OTUD7B: variants seen among roughly 807,000 people sequenced by gnomAD.
The protein encoded by OTUD7B is OTU domain-containing protein 7B.
Under a neutral mutation model 82.2 loss-of-function variants are expected in OTUD7B, and 34 were observed. That is an observed-to-expected ratio of 0.41 (90% CI 0.31 to 0.55). OTUD7B has a LOEUF of 0.55. OTUD7B is among the 20% of genes least tolerant of loss of function. OTUD7B has a pLI of 0.20. For missense variants in OTUD7B, 944 were observed against 1,062.1 expected (o/e 0.89, Z 1.55); for synonymous variants, 398 against 402.7 (o/e 0.99, Z 0.14).
chr1:149,967,402 T>C lies in OTUD7B; in HGVS notation c.394A>G (p.Ile132Val), dbSNP rs1649590542. The C allele has an allele frequency of 3.7e-6, 6 of 1,614,130 alleles. No individual in the cohort carries two copies. In the East Asian group the frequency reaches 6.7e-5, roughly 18 times the overall value. Reference sequence around the variant, plus strand: ...AGATCTGGAAGCTGGAAGGCACAGATGGGCATTTCCAGGGGGTGCTCATTG... The same window carrying C: ...AGATCTGGAAGCTGGAAGGCACAGACGGGCATTTCCAGGGGGTGCTCATTG... ...GSNEHPLEMP[I>V]CAFQLPDLTV... Residue 132 changes from isoleucine to valine, a missense_variant, in exon 4 of 12, where the codon ATC becomes GTC. By Grantham distance (29) the Ile-to-Val change is conservative. Around this residue, in one of 3 missense-constraint regions of OTUD7B, gnomAD observed 530 missense variants for 625.6 expected, o/e 0.85. Transcript: ENST00000581312.
chr1:149,955,754 A>G (rs1463977562), intron 7 of OTUD7B, among the ~76,000 whole-genome samples: 1 of 151,936 alleles, frequency 6.6e-6, no homozygotes, highest in Non-Finnish European at 1.5e-5. Context: ...TATTTAAGAT[A>G]GCTCTTCCTG....
chr1:150,002,717 G>A (rs1292721681), intron 1 of OTUD7B, among the ~76,000 whole-genome samples: 2 of 152,164 alleles, frequency 1.3e-5, no homozygotes, highest in African/African-American at 4.8e-5. Flanking sequence ...GTGATCCTGA[G>A]TAAACCTCAG....
At chr1:149,966,501 A>C (rs868915762) in intron 4 of OTUD7B, among the ~76,000 whole-genome samples, 3 of 152,216 alleles carry the variant, frequency 2.0e-5, no homozygotes, top group African/African-American at 7.2e-5. Flanking sequence ...GTGACTTTAA[A>C]GGAATGAGCA....
chr1:149,964,198 G>A (rs1384486208), intron 6 of OTUD7B, 24 bp downstream of exon 6: 5 of 1,607,044 alleles, frequency 3.1e-6, no homozygotes, highest in Non-Finnish European at 4.2e-6. Flanking sequence ...AGGAAACAAG[G>A]CGCTCCCACC....
intron 1 of OTUD7B, among the ~76,000 whole-genome samples, chr1:150,009,280 G>A (rs782088997): frequency 1.3e-5 from 2 of 152,122 alleles, no homozygotes; most frequent in Non-Finnish European, 2.9e-5. Context: ...ACATAGCATA[G>A]AAACTTTTTT....
At chr1:150,022,754 T>C in the OTUD7B span, among the ~76,000 whole-genome samples, 10 of 152,354 alleles carry the variant, frequency 6.6e-5, no homozygotes, top group East Asian at 1.9e-3. Context: ...CATTTACTTT[T>C]ATTTAACTCT....
intron 2 of OTUD7B, among the ~76,000 whole-genome samples, chr1:149,976,040 T>C (rs1553778473): frequency 2.4e-5 from 2 of 83,646 alleles, no homozygotes; most frequent in African/African-American, 9.1e-5. Flanking sequence ...AAAAAAGAAA[T>C]GCAAATTAAG....
At chr1:150,024,293 C>A in the OTUD7B span, among the ~76,000 whole-genome samples, 1 of 152,106 alleles carries the variant, frequency 6.6e-6, no homozygotes, top group African/African-American at 2.4e-5. Flanking sequence ...ATAATAATGT[C>A]AAGGTAACAG....
the OTUD7B span, among the ~76,000 whole-genome samples, chr1:150,057,752 G>A: frequency 6.6e-6 from 1 of 152,156 alleles, no homozygotes; most frequent in Admixed American, 6.5e-5. Context: ...ATTATATACA[G>A]TGAAACAGCA....
At chr1:150,035,588 ATTG>A in the OTUD7B span, among the ~76,000 whole-genome samples, 1 of 152,240 alleles carries the variant, frequency 6.6e-6, no homozygotes. Flanking sequence ...ATATGTTTCT[ATTG>A]TCTTCCTTAG....
intron 1 of OTUD7B, among the ~76,000 whole-genome samples, chr1:149,986,327 C>T (rs1432683014): frequency 1.3e-5 from 2 of 151,972 alleles, no homozygotes; most frequent in Non-Finnish European, 2.9e-5. Context: ...AACAGTAACT[C>T]ATCTCAAAGA....
intron 1 of OTUD7B, among the ~76,000 whole-genome samples, chr1:149,990,638 TA>T (rs1226278067): frequency 1.3e-5 from 2 of 152,236 alleles, no homozygotes; most frequent in Non-Finnish European, 2.9e-5. Context: ...TTTTTCAAAT[TA>T]AATACTTTTT....
the OTUD7B span, among the ~76,000 whole-genome samples, chr1:150,015,786 G>A: frequency 6.6e-6 from 1 of 152,102 alleles, no homozygotes; most frequent in East Asian, 1.9e-4. Flanking sequence ...TAGAGGGGGC[G>A]GGGGCTGAGT....
intron 10 of OTUD7B, among the ~76,000 whole-genome samples, chr1:149,947,563 G>C (rs1298204327): frequency 6.6e-6 from 1 of 152,124 alleles, no homozygotes; most frequent in Non-Finnish European, 1.5e-5. Flanking sequence ...CTATCCTGTA[G>C]GGTTGTTGTA....
At chr1:150,046,678 T>C in the OTUD7B span, among the ~76,000 whole-genome samples, 1 of 149,522 alleles carries the variant, frequency 6.7e-6, no homozygotes. Context: ...CTCAATCTCC[T>C]AACCTCGTGA....
At chr1:150,042,380 C>T in the OTUD7B span, among the ~76,000 whole-genome samples, 2 of 151,882 alleles carry the variant, frequency 1.3e-5, no homozygotes, top group South Asian at 4.2e-4. Context: ...ACCATGTTGG[C>T]CAGGCTGGTC....
At chr1:150,011,206 T>C (rs1413949526), upstream of OTUD7B, among the ~76,000 whole-genome samples, 3 of 152,234 alleles carry the variant, frequency 2.0e-5, no homozygotes, top group African/African-American at 7.2e-5. Flanking sequence ...AGTGAACATA[T>C]CCTTCTCTGT....
the OTUD7B span, among the ~76,000 whole-genome samples, chr1:150,052,958 A>G: frequency 1.3e-5 from 2 of 152,196 alleles, no homozygotes; most frequent in African/African-American, 4.8e-5. Flanking sequence ...TAGTCAATAC[A>G]TGGTGCTGGG....
the OTUD7B span, chr1:150,054,493 TC>T: frequency 4.0e-6 from 2 of 495,838 alleles, no homozygotes; most frequent in Non-Finnish European, 7.9e-6. Flanking sequence ...TCCCAAAACA[TC>T]TTACTGATAC....
Sources: allele counts gnomAD v4.1 joint callset (sites outside exome capture counted in the v4.1 genomes callset), GRCh38; gene constraint gnomAD v4.1.1; regional missense constraint gnomAD v4.1.1; transcripts MANE v1.5; gene names NCBI Gene and HGNC (gene_info 2026-07-23, HGNC 2026-07-21).